CRACD: variants seen among roughly 807,000 people sequenced by gnomAD.
CRACD encodes the protein capping protein-inhibiting regulator of actin dynamics.
In CRACD, 56 loss-of-function variants were observed where a neutral mutation model predicts 106.8. That is an observed-to-expected ratio of 0.52 (90% CI 0.42 to 0.66). The LOEUF is 0.66. Ranked by LOEUF, CRACD falls within the 30% of genes least tolerant of loss-of-function variation. CRACD has a pLI of 0.00. For synonymous variants in CRACD, 754 were observed against 670.8 expected, an observed-to-expected ratio of 1.12 and a Z score of -1.92; for missense variants, 1,730 against 1,623.2, an observed-to-expected ratio of 1.07 and a Z score of -1.13.
intron 2 of CRACD, among the ~76,000 whole-genome samples, chr4:56,253,843 C>T (rs1371451727): frequency 6.6e-6 from 1 of 152,138 alleles, no homozygotes; most frequent in Non-Finnish European, 1.5e-5. Flanking sequence ...CACCATAGAG[C>T]CCAAATTATA....
intron 10 of CRACD, among the ~76,000 whole-genome samples, chr4:56,326,651 G>A (rs1295291194): frequency 2.0e-5 from 3 of 152,066 alleles, no homozygotes; most frequent in African/African-American, 7.2e-5. Context: ...GCAAAGAACT[G>A]TGAGACAAGG....
chr4:56,142,727 A>C (rs978900374), intron 1 of CRACD, among the ~76,000 whole-genome samples: 1 of 152,148 alleles, frequency 6.6e-6, no homozygotes, highest in African/African-American at 2.4e-5. Flanking sequence ...ATGAATTAAA[A>C]GTAGTGATCT....
Position 56,282,739 on chromosome 4 carries a change from G to A in CRACD, c.-17+10247G>A, listed in dbSNP as rs778096506. 3.5e-4 allele frequency among the ~76,000 whole-genome samples: 54 copies of A among 152,242 alleles called. 1 individual carries two copies. The highest frequency in any genetic ancestry group is 2.5e-3 in the Admixed American group (38 of 15,292). ...TGTCACAGTTCCAGGTGTCATAGGC[G>A]GATGACAAAGACCACAGACAGAAAG... On this transcript the variant is annotated intron_variant, in intron 3 of 10. Transcript: ENST00000682029.
chr4:56,073,552 TG>T (rs144391670), intron 1 of CRACD, among the ~76,000 whole-genome samples: 16,265 of 152,194 alleles, frequency 0.11, 933 homozygotes, highest in African/African-American at 0.15. Flanking sequence ...TTGATGGGGT[TG>T]TTTTTTTCTT....
At chr4:56,095,692 T>C (rs370512775) in intron 1 of CRACD, among the ~76,000 whole-genome samples, 1 of 152,084 alleles carries the variant, frequency 6.6e-6, no homozygotes, top group Non-Finnish European at 1.5e-5. Flanking sequence ...TAAGGCCTTA[T>C]GCAAAGACTA....
intron 2 of CRACD, among the ~76,000 whole-genome samples, chr4:56,234,442 G>C (rs1402827940): frequency 6.6e-6 from 1 of 151,626 alleles, no homozygotes; most frequent in East Asian, 1.9e-4. Context: ...TCCATTGTGT[G>C]GATCTATATA....
At chr4:56,134,101 T>C (rs1734916913) in intron 1 of CRACD, among the ~76,000 whole-genome samples, 1 of 151,742 alleles carries the variant, frequency 6.6e-6, no homozygotes, top group Admixed American at 6.6e-5. Flanking sequence ...CTCGAGAGGC[T>C]GAGGTGGGAG....
chr4:56,177,518 A>T (rs985483700), intron 1 of CRACD, among the ~76,000 whole-genome samples: 5 of 152,044 alleles, frequency 3.3e-5, no homozygotes, highest in African/African-American at 1.2e-4. Flanking sequence ...GTATGAGGGT[A>T]ATGATGCCCT....
At chr4:56,121,283 C>T (rs1734474074) in intron 1 of CRACD, among the ~76,000 whole-genome samples, 1 of 152,100 alleles carries the variant, frequency 6.6e-6, no homozygotes, top group African/African-American at 2.4e-5. Flanking sequence ...AAATACTGCG[C>T]CTTACATTTT....
Position 56,323,365 on chromosome 4 carries a change from T to G in CRACD, c.3188-12T>G, listed in dbSNP as rs373646006. 2.8e-5 allele frequency: 44 copies of G among 1,588,516 alleles called. No homozygotes were observed. Among genetic ancestry groups the G allele is most frequent in the Admixed American group, 1.2e-4 (6 of 50,446 alleles). On this transcript the variant is annotated splice_polypyrimidine_tract_variant and intron_variant, in intron 8 of 10. Coordinates refer to ENST00000682029, the MANE Select transcript of CRACD (RefSeq NM_001393381.1). ...GTTCATTGCAAACCGTTCTTTGTCT[T>G]ATTCCCCACAGAGAAGCCGATGCTT...
At chr4:56,325,420 C>T (rs1435028427) in intron 10 of CRACD, among the ~76,000 whole-genome samples, 3 of 152,214 alleles carry the variant, frequency 2.0e-5, no homozygotes, top group Non-Finnish European at 4.4e-5. Context: ...ATGGAAACTG[C>T]ATCTCTGTGA....
intron 5 of CRACD, 143 bp from the exon 6 acceptor site, chr4:56,310,523 T>G: frequency 1.6e-6 from 1 of 639,344 alleles, no homozygotes; most frequent in Non-Finnish European, 2.8e-6. Flanking sequence ...TAGTCTCCAC[T>G]GGGACACCTG....
At chr4:56,067,471 A>C (rs1408989958) in intron 1 of CRACD, among the ~76,000 whole-genome samples, 1 of 152,264 alleles carries the variant, frequency 6.6e-6, no homozygotes, top group Non-Finnish European at 1.5e-5. Flanking sequence ...TTGCCTGGGC[A>C]GGATAGCCTG....
At position 56,314,286 on chromosome 4, in the gene CRACD, G is replaced by A. The variant is rs776431172; in HGVS notation, c.784G>A (p.Glu262Lys). The change falls in exon 8 of 11, where the codon GAA becomes AAA. Residue 262 changes from glutamate (E) to lysine (K), a missense_variant. Glu to Lys is a moderately conservative substitution (Grantham distance 56). Around this residue, in one of 5 missense-constraint regions of CRACD, gnomAD observed 1,620 missense variants for 1,481.6 expected, o/e 1.09. Coordinates refer to ENST00000682029, the MANE Select transcript of CRACD (RefSeq NM_001393381.1). The surrounding 1 kb of genome is among the most constrained non-coding windows in gnomAD (Gnocchi z 4.4). The stretch of plus-strand genomic sequence containing the variant: ...GCAGGCGCTGGAGAGGAGGCTTTGG[G>A]AAGAGAACAGAAGGCAGGAGCTCTT... ...RLQALERRLW[E>K]ENRRQELLEE... is the part of the protein sequence containing the mutation. 1 of 1,556,686 alleles carries A rather than the reference G, an allele frequency of 6.4e-7. No homozygotes were observed.
intron 2 of CRACD, among the ~76,000 whole-genome samples, chr4:56,269,562 CTTTTTTTTT>C (rs56162079): frequency 0.015 from 1,671 of 112,132 alleles, 22 homozygotes; most frequent in Non-Finnish European, 0.019. Context: ...AGGTGCCACA[CTTTTTTTTT>C]TTTTTTTTTT....
At chr4:56,318,766 G>C (rs74864941) in intron 8 of CRACD, among the ~76,000 whole-genome samples, 10,867 of 152,244 alleles carry the variant, frequency 0.071, 587 homozygotes, top group East Asian at 0.26. Flanking sequence ...GGCCAAATTT[G>C]TCTGACTGAA....
At chr4:56,236,039 A>T (rs952309373) in intron 2 of CRACD, among the ~76,000 whole-genome samples, 1 of 152,120 alleles carries the variant, frequency 6.6e-6, no homozygotes, top group Non-Finnish European at 1.5e-5. Context: ...GAAAAATGCT[A>T]TGTTGGAATC....
At chr4:56,081,620 T>C (rs1197410017) in intron 1 of CRACD, among the ~76,000 whole-genome samples, 1 of 152,164 alleles carries the variant, frequency 6.6e-6, no homozygotes, top group Non-Finnish European at 1.5e-5. Context: ...ATAAAATGTT[T>C]ATTGAGAACT....
chr4:56,059,171 C>T (rs573332065), intron 1 of CRACD, among the ~76,000 whole-genome samples: 5 of 152,188 alleles, frequency 3.3e-5, no homozygotes, highest in South Asian at 2.1e-4. Context: ...GGCTTGGTGG[C>T]GCCTGTCTGT....
Sources: gnomAD v4.1 joint callset for allele counts (sites outside exome capture counted in the v4.1 genomes callset) on GRCh38, gnomAD v4.1.1 for gene constraint, gnomAD v4.1.1 regional missense constraint, Gnocchi (gnomAD v3.1) non-coding constraint, MANE v1.5 for transcripts, NCBI Gene and HGNC (gene_info 2026-07-23, HGNC 2026-07-21) for gene names.